The following VSTM2L variants were observed in gnomAD, a reference collection of about 807,000 sequenced individuals.
VSTM2L encodes V-set and transmembrane domain containing 2 like.
Under a neutral mutation model 19.9 loss-of-function variants are expected in VSTM2L, and 9 were observed. The observed-to-expected ratio is 0.45, with a 90% CI of 0.27 to 0.79. The LOEUF is 0.79. VSTM2L is among the 30% of genes least tolerant of loss of function. The pLI, the probability that VSTM2L is intolerant of heterozygous loss-of-function variation, is 0.15. For missense variants in VSTM2L, 286 were observed against 295.5 expected (o/e 0.97, Z 0.24); for synonymous variants, 127 against 133.8 (o/e 0.95, Z 0.35).
chr20:37,932,008 G>C (rs1393182590), intron 2 of VSTM2L, among the ~76,000 whole-genome samples: 2 of 152,210 alleles, frequency 1.3e-5, no homozygotes, highest in African/African-American at 4.8e-5. Context: ...CGGGCAGGAG[G>C]CAGAGCTAGG....
chr20:37,904,241 G>A (rs1346212794), intron 1 of VSTM2L, among the ~76,000 whole-genome samples: 2 of 152,230 alleles, frequency 1.3e-5, no homozygotes, highest in Non-Finnish European at 2.9e-5. Flanking sequence ...CCAGAGGCAT[G>A]GGAGTGGGAG....
chr20:37,926,801 T>A (rs1409809016), intron 1 of VSTM2L, among the ~76,000 whole-genome samples: 4 of 152,070 alleles, frequency 2.6e-5, no homozygotes, highest in Non-Finnish European at 4.4e-5. Context: ...TGCGGACATG[T>A]GATGGGGGGA....
At chr20:37,913,014 T>C (rs2072789930) in intron 1 of VSTM2L, among the ~76,000 whole-genome samples, 1 of 152,120 alleles carries the variant, frequency 6.6e-6, no homozygotes, top group African/African-American at 2.4e-5. Context: ...TTCTCTCGGG[T>C]ATGCACACAG....
At position 37,925,925 on chromosome 20, in the gene VSTM2L, G is replaced by A. The variant is rs118067774; in HGVS notation, c.122-5710G>A. ...TAAGGCGAGGGCAACACCTCCTCCA[G>A]GAAGCCTTTCCCGATTGCCTCCAGC... On this transcript the variant is annotated intron_variant, in intron 1 of 3. Transcript: ENST00000373461. Among the ~76,000 whole-genome samples, 83 of 152,328 alleles carry A rather than the reference G, an allele frequency of 5.4e-4. No individual in the cohort carries two copies. The East Asian group carries it at 0.015, about 27-fold the overall frequency.
intron 1 of VSTM2L, among the ~76,000 whole-genome samples, chr20:37,919,802 C>G (rs555403379): frequency 6.6e-6 from 1 of 152,120 alleles, no homozygotes; most frequent in Non-Finnish European, 1.5e-5. Flanking sequence ...TTGCAGCCAG[C>G]TTGAAGTCAG....
chr20:37,904,642 A>T (rs1023659286), intron 1 of VSTM2L, among the ~76,000 whole-genome samples: 4 of 152,236 alleles, frequency 2.6e-5, no homozygotes, highest in Admixed American at 2.6e-4. Context: ...CTGCAGCCCC[A>T]GTGCTGGGCA....
intron 1 of VSTM2L, among the ~76,000 whole-genome samples, chr20:37,910,346 G>C (rs914452950): frequency 2.0e-5 from 3 of 152,228 alleles, no homozygotes; most frequent in Admixed American, 6.5e-5. Context: ...ATGACTTGGA[G>C]ACCCGGGGGC....
intron 2 of VSTM2L, 51 bp downstream of exon 2, chr20:37,931,855 T>C: frequency 6.4e-7 from 1 of 1,574,174 alleles, no homozygotes. Flanking sequence ...TCCTGGTCCC[T>C]GGGGTAGGGG....
At chr20:37,935,203 C>A (rs1259467072) in intron 3 of VSTM2L, among the ~76,000 whole-genome samples, 1 of 152,214 alleles carries the variant, frequency 6.6e-6, no homozygotes, top group Non-Finnish European at 1.5e-5. Flanking sequence ...ATGTGCTCAG[C>A]ATGAATGTGC....
intron 3 of VSTM2L, among the ~76,000 whole-genome samples, chr20:37,941,647 A>C (rs2072972743): frequency 6.6e-6 from 1 of 152,238 alleles, no homozygotes; most frequent in East Asian, 1.9e-4. Context: ...CTTGGCAGGA[A>C]CAGGCCAGCT....
chr20:37,904,676 G>A (rs1374502609), intron 1 of VSTM2L, among the ~76,000 whole-genome samples: 2 of 152,232 alleles, frequency 1.3e-5, no homozygotes, highest in Non-Finnish European at 2.9e-5. Flanking sequence ...GCTGTGGGGA[G>A]GTTTGCACAA....
intron 1 of VSTM2L, among the ~76,000 whole-genome samples, chr20:37,905,989 C>T (rs559902838): frequency 3.4e-5 from 5 of 145,610 alleles, no homozygotes; most frequent in African/African-American, 1.3e-4. Flanking sequence ...TCCTGGGCTC[C>T]GTGTGTCCTC....
At chr20:37,938,934 G>A (rs1308905657) in intron 3 of VSTM2L, among the ~76,000 whole-genome samples, 1 of 152,134 alleles carries the variant, frequency 6.6e-6, no homozygotes, top group Non-Finnish European at 1.5e-5. Flanking sequence ...GGAGGATTGG[G>A]GGCCTCGGAA....
intron 3 of VSTM2L, among the ~76,000 whole-genome samples, chr20:37,935,502 T>C (rs1400801061): frequency 6.6e-6 from 1 of 152,070 alleles, no homozygotes; most frequent in Non-Finnish European, 1.5e-5. Flanking sequence ...CCTGGCAGCC[T>C]TTCCACCTTC....
intron 1 of VSTM2L, among the ~76,000 whole-genome samples, chr20:37,924,554 C>CAAA (rs368447073): frequency 1.1e-5 from 1 of 90,112 alleles, no homozygotes; most frequent in Non-Finnish European, 2.3e-5. Context: ...GACTCTGTCT[C>CAAA]AAAAAAAAAA....
At chr20:37,912,417 G>A (rs1375073029) in intron 1 of VSTM2L, among the ~76,000 whole-genome samples, 3 of 152,254 alleles carry the variant, frequency 2.0e-5, no homozygotes, top group Non-Finnish European at 2.9e-5. Context: ...GTGGGAAGCA[G>A]TGGGGCTCTG....
At chr20:37,935,091 G>A (rs1323337464) in intron 3 of VSTM2L, among the ~76,000 whole-genome samples, 1 of 152,174 alleles carries the variant, frequency 6.6e-6, no homozygotes, top group Non-Finnish European at 1.5e-5. Flanking sequence ...AGCGGCTCTG[G>A]CAAAGGAGAG....
intron 1 of VSTM2L, among the ~76,000 whole-genome samples, chr20:37,928,827 CAAT>C (rs1417484754): frequency 3.3e-5 from 5 of 152,072 alleles, no homozygotes; most frequent in Non-Finnish European, 4.4e-5. Context: ...GGAAGGCTGA[CAAT>C]AAACATACAT....
chr20:37,916,092 C>T (rs924278763), intron 1 of VSTM2L, among the ~76,000 whole-genome samples: 3 of 152,214 alleles, frequency 2.0e-5, no homozygotes, highest in Non-Finnish European at 4.4e-5. Context: ...TAGCCCCTCC[C>T]GGCAGCAGAG....
Sources: allele counts gnomAD v4.1 joint callset (sites outside exome capture counted in the v4.1 genomes callset), GRCh38; gene constraint gnomAD v4.1.1; transcripts MANE v1.5; gene names NCBI Gene and HGNC (gene_info 2026-07-23, HGNC 2026-07-21).